Variants in RNF13 observed in about 807,000 individuals in gnomAD.
The protein encoded by RNF13 is ring finger protein 13, also known as E3 ubiquitin-protein ligase RNF13.
RNF13 carries 19 observed loss-of-function variants against 37.7 expected under a neutral mutation model. That is an observed-to-expected ratio of 0.50 (90% confidence interval 0.35 to 0.74). RNF13 has a LOEUF of 0.74. Ranked by LOEUF, RNF13 falls within the 30% of genes least tolerant of loss-of-function variation. RNF13 has a pLI of 0.01. For missense variants in RNF13, 375 were observed against 453.0 expected, an observed-to-expected ratio of 0.83 and a Z score of 1.56; for synonymous variants, 144 against 157.8, an observed-to-expected ratio of 0.91 and a Z score of 0.65.
intron 1 of RNF13, among the ~76,000 whole-genome samples, chr3:149,841,751 C>G (rs750192139): frequency 6.6e-6 from 1 of 152,054 alleles, no homozygotes; most frequent in Non-Finnish European, 1.5e-5. Flanking sequence ...TCCTGAGTAG[C>G]TGGGATTGCA....
chr3:149,961,268 C>G lies in RNF13; in HGVS notation c.*164C>G, dbSNP rs770129765. The G allele has an allele frequency of 8.8e-6, 6 of 682,242 alleles. No homozygotes were observed. The highest frequency in any genetic ancestry group is 1.5e-5 in the Non-Finnish European group (6 of 392,940). The allele number at this position is 682,242 out of a possible 1,614,324, so 42.3% of individuals were successfully genotyped here. A position where few individuals can be genotyped will look rare whatever the true frequency, so the allele number is the denominator to read the frequency against. ...GGACTTTTGATCTGGTATTTATCTG[C>G]CAAGAATATACTTCATTCACTAATA... On this transcript the variant is annotated 3_prime_UTR_variant, in exon 10 of 10. Coordinates refer to ENST00000392894, the MANE Select transcript of RNF13 (RefSeq NM_183381.3).
intron 8 of RNF13, among the ~76,000 whole-genome samples, chr3:149,932,929 G>A (rs1431419685): frequency 3.3e-5 from 5 of 152,238 alleles, no homozygotes; most frequent in African/African-American, 1.2e-4. Context: ...CTGTGTGGGG[G>A]CTATGTCCTG....
chr3:149,864,856 C>G lies in RNF13; in HGVS notation c.196-7173C>G, dbSNP rs145459921. Among the ~76,000 whole-genome samples the G allele has an allele frequency of 2.8e-3, 430 of 152,264 alleles. 2 individuals carry two copies. The highest frequency in any genetic ancestry group is 9.9e-3 in the African/African-American group (411 of 41,562). The stretch of plus-strand genomic sequence containing the variant: ...CTCAAATAAAAAAGAAATTATTGAT[C>G]ATATTTCCTAGCTTTATTCTGGACA... On this transcript the variant is annotated intron_variant, in intron 3 of 9. Coordinates refer to ENST00000392894, the MANE Select transcript of RNF13 (RefSeq NM_183381.3).
chr3:149,834,211 A>G (rs1721357084), intron 1 of RNF13, among the ~76,000 whole-genome samples: 2 of 152,346 alleles, frequency 1.3e-5, no homozygotes, highest in East Asian at 1.9e-4. Flanking sequence ...ATTCAATGTA[A>G]TATTATCAAA....
chr3:149,868,885 T>C (rs1711652782), intron 3 of RNF13, among the ~76,000 whole-genome samples: 1 of 151,832 alleles, frequency 6.6e-6, no homozygotes, highest in Non-Finnish European at 1.5e-5. Flanking sequence ...TATTTACATC[T>C]TTCTCAAGTT....
At chr3:149,822,149 A>G (rs957748500) in intron 1 of RNF13, among the ~76,000 whole-genome samples, 4 of 152,132 alleles carry the variant, frequency 2.6e-5, no homozygotes, top group Admixed American at 6.5e-5. Flanking sequence ...TTCCATATGA[A>G]TTTGAGAATC....
intron 4 of RNF13, among the ~76,000 whole-genome samples, chr3:149,885,037 T>C (rs1284818700): frequency 6.6e-6 from 1 of 152,190 alleles, no homozygotes; most frequent in East Asian, 1.9e-4. Flanking sequence ...TCAGTTTCAT[T>C]CATGTTGCAA....
chr3:149,840,943 T>C (rs975890809), intron 1 of RNF13, among the ~76,000 whole-genome samples: 2 of 152,230 alleles, frequency 1.3e-5, no homozygotes, highest in Non-Finnish European at 2.9e-5. Flanking sequence ...CACCTCAGCA[T>C]ACAAAAGTGT....
At chr3:149,948,408 G>A (rs569461833) in intron 8 of RNF13, among the ~76,000 whole-genome samples, 60 of 151,920 alleles carry the variant, frequency 3.9e-4, no homozygotes, top group Non-Finnish European at 6.8e-4. Context: ...ATTGTTTTTT[G>A]TCTGTCTTAC....
rs77962294 is a variant in RNF13 at position 149,947,631 on chromosome 3, C to G, written c.701-12425C>G. On this transcript the variant is annotated intron_variant, in intron 8 of 9. Transcript: ENST00000392894. ...ATATTGGCCAGACTGGTCTCCTGAC[C>G]TCTGGTGATCCGACCGCCTGGGCCT... 1.7e-3 allele frequency among the ~76,000 whole-genome samples: 265 copies of G among 152,184 alleles called. 7 individuals are homozygous for G. In the East Asian group the frequency reaches 0.048, roughly 28 times the overall value.
intron 1 of RNF13, among the ~76,000 whole-genome samples, chr3:149,833,106 C>G (rs1427663798): frequency 3.0e-5 from 3 of 99,182 alleles, no homozygotes; most frequent in Non-Finnish European, 6.1e-5. Context: ...ACTTATCGTT[C>G]TCTCTCTCTC....
chr3:149,941,534 T>G (rs953996390), intron 8 of RNF13, among the ~76,000 whole-genome samples: 1 of 151,466 alleles, frequency 6.6e-6, no homozygotes, highest in African/African-American at 2.4e-5. Flanking sequence ...AATTAGGTTT[T>G]TTTTTTTTTT....
intron 8 of RNF13, among the ~76,000 whole-genome samples, chr3:149,955,648 G>A (rs942936701): frequency 3.9e-5 from 6 of 152,266 alleles, no homozygotes; most frequent in Admixed American, 6.5e-5. Context: ...CAGAAGCAGC[G>A]AGTAAGTGGC....
intron 4 of RNF13, among the ~76,000 whole-genome samples, chr3:149,886,525 TGATC>T (rs997273728): frequency 6.6e-6 from 1 of 152,198 alleles, no homozygotes; most frequent in Non-Finnish European, 1.5e-5. Context: ...ATTGATTGAT[TGATC>T]GAGATATCAT....
intron 1 of RNF13, among the ~76,000 whole-genome samples, chr3:149,831,972 A>T (rs1423073869): frequency 6.6e-6 from 1 of 152,212 alleles, no homozygotes; most frequent in African/African-American, 2.4e-5. Context: ...TAGGAAAAAT[A>T]ACCTATTAAA....
intron 6 of RNF13, among the ~76,000 whole-genome samples, chr3:149,907,458 A>G (rs1294888408): frequency 1.3e-5 from 2 of 152,216 alleles, no homozygotes; most frequent in Non-Finnish European, 2.9e-5. Context: ...CTACTTTTAA[A>G]AAGGATGGTA....
intron 8 of RNF13, among the ~76,000 whole-genome samples, chr3:149,934,579 TTTTAA>T (rs1719491593): frequency 6.6e-6 from 1 of 152,120 alleles, no homozygotes; most frequent in Non-Finnish European, 1.5e-5. Context: ...TAGATTTCCT[TTTTAA>T]TTTCTTTATT....
intron 8 of RNF13, among the ~76,000 whole-genome samples, chr3:149,940,502 T>C (rs1326519801): frequency 6.6e-6 from 1 of 152,170 alleles, no homozygotes. Context: ...TTACTTTTAC[T>C]TATTTCTCCT....
chr3:149,845,681 T>C (rs1451633875), intron 1 of RNF13: 1 of 169,848 alleles, frequency 5.9e-6, no homozygotes, highest in South Asian at 1.9e-4. Context: ...TTTTTAACCA[T>C]TATTTTGGTT....
Sources: gnomAD v4.1 joint callset for allele counts (sites outside exome capture counted in the v4.1 genomes callset) on GRCh38, gnomAD v4.1.1 for gene constraint, MANE v1.5 for transcripts, NCBI Gene and HGNC (gene_info 2026-07-23, HGNC 2026-07-21) for gene names.